The following COL16A1 variants were observed in gnomAD, a reference collection of about 807,000 sequenced individuals.
COL16A1 encodes the protein collagen type XVI alpha 1 chain.
A neutral mutation model predicts 266.3 loss-of-function variants in COL16A1; 189 were observed. The ratio of observed to expected loss-of-function variants is 0.71; its 90% CI spans 0.63 to 0.80. The LOEUF is 0.80. Ranked by LOEUF, COL16A1 falls within the 30% of genes least tolerant of loss-of-function variation. The pLI, the probability that COL16A1 is intolerant of heterozygous loss-of-function variation, is 0.00. For synonymous variants in COL16A1, 740 were observed against 782.3 expected (o/e 0.95, Z 0.90); for missense variants, 1,928 against 2,122.4 (o/e 0.91, Z 1.80).
intron 9 of COL16A1, 40 bp downstream of exon 9, chr1:31,696,048 C>G (rs374574761): frequency 1.3e-6 from 2 of 1,566,790 alleles, no homozygotes; most frequent in Non-Finnish European, 1.8e-6. Flanking sequence ...AGAGGGCAGA[C>G]TGAGGGCAGG....
rs1250292068 is a variant in COL16A1 at position 31,668,778 on chromosome 1, C to T, written c.3249+24G>A. ...CTCTTCCTCCCTTTCCAGCCCTTTC[C>T]AGCCCCTGCCAGCTTCTTCTTACCG... On this transcript the variant is annotated intron_variant, in intron 50 of 70. Coordinates refer to ENST00000373672, the MANE Select transcript of COL16A1 (RefSeq NM_001856.4). The surrounding 1 kb of genome is among the most constrained non-coding windows in gnomAD (Gnocchi z 5.8). 1 of 1,613,784 alleles carries T rather than the reference C, an allele frequency of 6.2e-7. No homozygotes were observed. Among genetic ancestry groups the T allele is most frequent in the Admixed American group, 1.7e-5 (1 of 59,996 alleles).
At position 31,698,166 on chromosome 1, in the gene COL16A1, G is replaced by A; in HGVS notation, c.397C>T (p.Leu133=). Residue 133 remains leucine (L), a synonymous_variant, in exon 6 of 71, where the codon CTG becomes TTG. Transcript: ENST00000373672. The surrounding 1 kb of genome is among the most constrained non-coding windows in gnomAD (Gnocchi z 4.1). ...TDANGYPQIS[L]EVNSQERSLE... The stretch of plus-strand genomic sequence containing the variant: ...CTCCGCTCTTGGCTGTTGACTTCCA[G>A]GGATATCTGGGTAGAATTTGGAAAG... The A allele has an allele frequency of 6.2e-7, 1 of 1,613,614 alleles. No homozygotes were observed. The highest frequency in any genetic ancestry group is 8.5e-7 in the Non-Finnish European group (1 of 1,179,978).
intron 39 of COL16A1, 145 bp downstream of exon 39, chr1:31,680,760 A>G: frequency 1.3e-6 from 2 of 1,515,502 alleles, no homozygotes; most frequent in Non-Finnish European, 1.8e-6. Flanking sequence ...CTCCAGTCCA[A>G]GGCAGCTTCA....
Position 31,671,644 on chromosome 1 carries a change from T to A in COL16A1, c.3121A>T (p.Arg1041Trp), listed in dbSNP as rs777325186. Residue 1041 changes from arginine (R) to tryptophan (W), a missense_variant, in exon 48 of 71, where the codon AGG becomes TGG. This residue lies in a region of COL16A1 where 1,552 missense variants were observed against 1,637.2 expected (regional missense o/e 0.95). Transcript: ENST00000373672. Reference protein sequence around the residue: ...QRGEEGPPGMRGSPGPPGPIG... With the variant: ...QRGEEGPPGMWGSPGPPGPIG... ...GGGCCTGGAGGACCCGGGGAGCCCC[T>A]CATGCCAGGCGGACCCTGCAAAGGA... The A allele has an allele frequency of 2.5e-6, 4 of 1,613,930 alleles. No homozygotes were observed. The highest frequency in any genetic ancestry group is 1.3e-5 in the African/African-American group (1 of 74,892).
chr1:31,668,896 T>TGCCCCCCCCCCCC lies in COL16A1; in HGVS notation c.3196-42_3196-41insGGGGGGGGGGGGC. On this transcript the variant is annotated intron_variant, in intron 49 of 70. Coordinates refer to ENST00000373672, the MANE Select transcript of COL16A1 (RefSeq NM_001856.4). The surrounding 1 kb of genome is among the most constrained non-coding windows in gnomAD (Gnocchi z 5.8). ...CATGAGAAACTGCAGGAGCCGGCGG[T>TGCCCCCCCCCCCC]CCCCACCCAGCCCCTGACTCCTTCC... 2.5e-6 allele frequency: 4 copies of TGCCCCCCCCCCCC among 1,569,770 alleles called. No homozygotes were observed. The highest frequency in any genetic ancestry group is 3.5e-6 in the Non-Finnish European group (4 of 1,150,140).
Position 31,663,061 on chromosome 1 carries a change from TC to T in COL16A1, c.3556-404del. On this transcript the variant is annotated intron_variant, in intron 56 of 70. Coordinates refer to ENST00000373672, the MANE Select transcript of COL16A1 (RefSeq NM_001856.4). This position sits in a 1 kb window ranked among gnomAD's most constrained non-coding sequence, Gnocchi z 4.9. ...ACCTACCTCCCTACCTTTCCCCCCA[TC>T]CCAGCAGACATGGGCCCGGGCTGCA... is the stretch of plus-strand genomic sequence containing the variant. 8.1e-6 allele frequency: 2 copies of T among 247,924 alleles called. No individual in the cohort carries two copies. Among genetic ancestry groups the T allele is most frequent in the South Asian group, 1.1e-4 (2 of 18,894 alleles). 15.4% of individuals were successfully genotyped at this position (247,924 alleles called of 1,614,324 possible). A position where few individuals can be genotyped will look rare whatever the true frequency, so the allele number is the denominator to read the frequency against.
chr1:31,662,337 C>G lies in COL16A1; in HGVS notation c.3678G>C (p.Leu1226Phe), dbSNP rs771827039. 12 of 1,610,828 alleles carry G rather than the reference C, an allele frequency of 7.4e-6. No individual in the cohort carries two copies. The highest frequency in any genetic ancestry group is 1.0e-5 in the Non-Finnish European group (12 of 1,178,580). ...CCCTCCCAGCCCATCATCTCACCCT[C>G]AAGCCAGGCTTGCCGTCCTTCCCAT... is the stretch of plus-strand genomic sequence containing the variant. ...GLDGKDGKPG[L>F]RGDPGPAGPP... The change falls in exon 58 of 71, where the codon TTG becomes TTC. Residue 1226 changes from leucine (L) to phenylalanine (F), a missense_variant. Coordinates refer to ENST00000373672, the MANE Select transcript of COL16A1 (RefSeq NM_001856.4).
chr1:31,652,769 G>A lies in COL16A1; in HGVS notation c.4697C>T (p.Pro1566Leu), dbSNP rs555400387. 50 of 1,599,150 alleles carry A rather than the reference G, an allele frequency of 3.1e-5. 1 individual carries two copies. The highest frequency in any genetic ancestry group is 1.2e-4 in the South Asian group (11 of 88,640). ...CTTGCCTGGCTGGCCCATGGGACCC[G>A]GGGGCCCAGGGATGCCAGGGATGCC... ...QQGIPGIPGP[P>L]GPMGQPGKAG... The change falls in exon 71 of 71, where the codon CCG becomes CTG. Residue 1566 changes from proline (P) to leucine (L), a missense_variant. Physicochemically the swap from Pro to Leu is moderately conservative, Grantham distance 98. Coordinates refer to ENST00000373672, the MANE Select transcript of COL16A1 (RefSeq NM_001856.4). This position sits in a 1 kb window ranked among gnomAD's most constrained non-coding sequence, Gnocchi z 4.8.
At position 31,689,757 on chromosome 1, in the gene COL16A1, T is replaced by C. The variant is rs1479677172; in HGVS notation, c.1604A>G (p.Asp535Gly). The C allele has an allele frequency of 3.7e-6, 6 of 1,614,034 alleles. No homozygotes were observed. In the South Asian group the frequency reaches 6.6e-5, roughly 18 times the overall value. The change falls in exon 23 of 71, where the codon GAT becomes GGT. Residue 535 changes from aspartate (D) to glycine (G), a missense_variant. By Grantham distance (94) the Asp-to-Gly change is moderately conservative (BLOSUM62 -1). Coordinates refer to ENST00000373672, the MANE Select transcript of COL16A1 (RefSeq NM_001856.4). ...GKPGPKGEPG[D>G]PVPARGDPGI... The stretch of plus-strand genomic sequence containing the variant: ...GGCACTCACCCTGGCTGGTACAGGA[T>C]CACCAGGCTCCCCTTTGGGCCCTGG...
Position 31,652,559 on chromosome 1 carries a change from C to G in COL16A1, c.*92G>C. On this transcript the variant is annotated 3_prime_UTR_variant, in exon 71 of 71. Transcript: ENST00000373672. This position sits in a 1 kb window ranked among gnomAD's most constrained non-coding sequence, Gnocchi z 4.8. The stretch of plus-strand genomic sequence containing the variant: ...CAGCAATTAAAAACAACAACAACAA[C>G]AAAAAAAACATTCACAACCTGTCAC... The G allele has an allele frequency of 1.6e-6, 2 of 1,237,480 alleles. No homozygotes were observed. The allele number at this position is 1,237,480 out of a possible 1,614,324, so 76.7% of individuals were successfully genotyped here.
Position 31,653,920 on chromosome 1 carries a change from C to T in COL16A1, c.4481G>A (p.Gly1494Glu). 6.2e-7 allele frequency: 1 copy of T among 1,614,094 alleles called. No homozygotes were observed. The highest frequency in any genetic ancestry group is 8.5e-7 in the Non-Finnish European group (1 of 1,179,972). Residue 1494 changes from glycine (G) to glutamate (E), a missense_variant, in exon 69 of 71, where the codon GGG becomes GAG. By Grantham distance (98) the Gly-to-Glu change is moderately conservative. Coordinates refer to ENST00000373672, the MANE Select transcript of COL16A1 (RefSeq NM_001856.4). ...PGRPGAPGSP[G>E]LPGQIGREGR... ...TTCTCTGCCAATCTGACCAGGGAGC[C>T]CAGGTGACCCTGGAGCACCTGGCCT...
chr1:31,659,002 T>C (rs1003617194), intron 62 of COL16A1, 38 bp from the exon 63 acceptor site: 18 of 1,544,454 alleles, frequency 1.2e-5, no homozygotes, highest in Non-Finnish European at 1.3e-5. Flanking sequence ...AAACAGGTTC[T>C]AATAGTAAGA....
rs771790298 is a variant in COL16A1, at chr1:31,696,929, C to A, written c.864+34G>T. The A allele has an allele frequency of 2.5e-6, 4 of 1,612,144 alleles. No homozygotes were observed. The African/African-American group carries it at 5.3e-5, about 22-fold the overall frequency. ...GGGAGGGGTATCTCACTTGTGCCTG[C>A]CTGTGCTGGCATCCACCTGTCCTGC... On this transcript the variant is annotated intron_variant, in intron 8 of 70. Transcript: ENST00000373672.
chr1:31,659,398 G>A (rs904383697), intron 62 of COL16A1, among the ~76,000 whole-genome samples: 1 of 152,170 alleles, frequency 6.6e-6, no homozygotes, highest in African/African-American at 2.4e-5. Flanking sequence ...AGGGGCAGGG[G>A]CTTGGCACTG....
At chr1:31,692,399 C>T (rs1305712061) in intron 16 of COL16A1, 75 bp downstream of exon 16, 8 of 1,543,052 alleles carry the variant, frequency 5.2e-6, no homozygotes, top group East Asian at 2.3e-5. Flanking sequence ...CAGAGAACCC[C>T]GACTCCTCCT....
Position 31,685,849 on chromosome 1 carries a change from G to A in COL16A1, c.1885-79C>T. 3.1e-6 allele frequency: 5 copies of A among 1,587,396 alleles called. No individual in the cohort carries two copies. Among genetic ancestry groups the A allele is most frequent in the Non-Finnish European group, 4.3e-6 (5 of 1,162,364 alleles). On this transcript the variant is annotated intron_variant, in intron 28 of 70. Transcript: ENST00000373672. The surrounding 1 kb of genome is among the most constrained non-coding windows in gnomAD (Gnocchi z 4.0). ...GCGAGGTTTGGAATCTAGGGCTGGG[G>A]AATGTCACTGGGTCTGACACTGCAC...
chr1:31,684,506 C>G lies in COL16A1; in HGVS notation c.2160+17G>C. 2.5e-6 allele frequency: 4 copies of G among 1,606,602 alleles called. No individual in the cohort carries two copies. The highest frequency in any genetic ancestry group is 3.4e-6 in the Non-Finnish European group (4 of 1,176,326). On this transcript the variant is annotated intron_variant, in intron 31 of 70. Coordinates refer to ENST00000373672, the MANE Select transcript of COL16A1 (RefSeq NM_001856.4). ...ATGCAACAAACTCCCCGACCCCAAC[C>G]ACCCCGCCTGACTAACCTTTTCTCC...
At position 31,691,645 on chromosome 1, in the gene COL16A1, G is replaced by A. The variant is rs377710644; in HGVS notation, c.1258-3C>T. ...ACACAGATCTCTCCTGGCCGGCCCT[G>A]TGGGGGGATAAGGGGGAGGGTGTAC... On this transcript the variant is annotated splice_polypyrimidine_tract_variant and splice_region_variant and intron_variant, in intron 17 of 70. Transcript: ENST00000373672. The A allele has an allele frequency of 1.2e-6, 2 of 1,613,250 alleles. No homozygotes were observed. The highest frequency in any genetic ancestry group is 2.7e-5 in the African/African-American group (2 of 74,928).
Position 31,697,359 on chromosome 1 carries a change from C to A in COL16A1, c.658-59G>T. ...TTTATCAAATAGCTCTGTGTCCTGG[C>A]CCCCCAGGAGGCACAGAGATGTCTC... On this transcript the variant is annotated intron_variant, in intron 6 of 70. Transcript: ENST00000373672. The surrounding 1 kb of genome is among the most constrained non-coding windows in gnomAD (Gnocchi z 4.2). 3 of 1,479,390 alleles carry A rather than the reference C, an allele frequency of 2.0e-6. No homozygotes were observed. Among genetic ancestry groups the A allele is most frequent in the Middle Eastern group, 2.0e-4 (1 of 4,944 alleles). The allele number at this position is 1,479,390 out of a possible 1,614,324, so 91.6% of individuals were successfully genotyped here.
Sources: gnomAD v4.1 joint callset for allele counts (sites outside exome capture counted in the v4.1 genomes callset) on GRCh38, gnomAD v4.1.1 for gene constraint, gnomAD v4.1.1 regional missense constraint, Gnocchi (gnomAD v3.1) non-coding constraint, MANE v1.5 for transcripts, NCBI Gene and HGNC (gene_info 2026-07-23, HGNC 2026-07-21) for gene names.